DERA: variants seen among roughly 807,000 people sequenced by gnomAD.
DERA encodes the protein deoxyribose-phosphate aldolase.
Under a neutral mutation model 41.1 loss-of-function variants are expected in DERA, and 15 were observed. The observed-to-expected ratio is 0.37, with a 90% CI of 0.24 to 0.56. The LOEUF is 0.56. DERA is among the 20% of genes least tolerant of loss of function. The pLI is 0.81. For synonymous variants in DERA, 139 were observed against 137.4 expected (o/e 1.01, Z -0.08); for missense variants, 396 against 403.4 (o/e 0.98, Z 0.16).
rs949010266 is a variant in DERA at position 15,918,296 on chromosome 12, G to T, written c.31+6882G>T. ...GTGGACCTCTGTGCCCGGCCGCCTC[G>T]CCTCCCTCTGCAGGTGGATACCCTC... is the stretch of plus-strand genomic sequence containing the variant. On this transcript the variant is annotated intron_variant, in intron 1 of 8. Coordinates refer to ENST00000428559, the MANE Select transcript of DERA (RefSeq NM_015954.4). This position sits in a 1 kb window ranked among gnomAD's most constrained non-coding sequence, Gnocchi z 4.3. 1.3e-5 allele frequency among the ~76,000 whole-genome samples: 2 copies of T among 152,030 alleles called. No homozygotes were observed. The highest frequency in any genetic ancestry group is 4.8e-5 in the African/African-American group (2 of 41,394).
At position 15,926,724 on chromosome 12, in the gene DERA, G is replaced by A. The variant is rs544022209; in HGVS notation, c.31+15310G>A. ...GCACTCCCGCCTGGGGCGACAGAGC[G>A]AGACTCCGTCTCAAAAAGAAAAAAA... On this transcript the variant is annotated intron_variant, in intron 1 of 8. Coordinates refer to ENST00000428559, the MANE Select transcript of DERA (RefSeq NM_015954.4). Among the ~76,000 whole-genome samples the A allele has an allele frequency of 9.5e-5, 13 of 136,580 alleles. No homozygotes were observed. The South Asian group carries it at 2.7e-3, about 28-fold the overall frequency. 89.6% of individuals were successfully genotyped at this position (136,580 alleles called of 152,430 possible).
At chr12:15,960,352 T>C (rs757163235) in intron 4 of DERA, among the ~76,000 whole-genome samples, 5 of 150,580 alleles carry the variant, frequency 3.3e-5, no homozygotes, top group Non-Finnish European at 7.4e-5. Context: ...AATAATGATA[T>C]GCGGGCTGGG....
At chr12:15,978,336 A>G (rs1948712351) in intron 5 of DERA, among the ~76,000 whole-genome samples, 1 of 152,152 alleles carries the variant, frequency 6.6e-6, no homozygotes, top group Admixed American at 6.5e-5. Flanking sequence ...TTGTGCTTTC[A>G]TAAGTATTAG....
chr12:16,034,261 A>G (rs1949112385), intron 7 of DERA, among the ~76,000 whole-genome samples: 1 of 152,204 alleles, frequency 6.6e-6, no homozygotes, highest in Admixed American at 6.5e-5. Context: ...GTGCCATGTT[A>G]ACCTGTGTTA....
rs1948545977 is a variant in DERA at position 15,957,057 on chromosome 12, T to A, written c.129+24T>A. 1 of 1,579,872 alleles carries A rather than the reference T, an allele frequency of 6.3e-7. No individual in the cohort carries two copies. The highest frequency in any genetic ancestry group is 1.3e-5 in the African/African-American group (1 of 74,242). ...AGGTAAGGGTTCTTCTTGAGCATTC[T>A]GTGCCTGTATTTTACAATGCATGGT... On this transcript the variant is annotated intron_variant, in intron 2 of 8. Transcript: ENST00000428559. This position sits in a 1 kb window ranked among gnomAD's most constrained non-coding sequence, Gnocchi z 4.8.
chr12:15,994,701 C>T lies in DERA; in HGVS notation c.637+12265C>T, dbSNP rs1199637642. Among the ~76,000 whole-genome samples the T allele has an allele frequency of 3.3e-5, 5 of 152,180 alleles. No individual in the cohort carries two copies. The highest frequency in any genetic ancestry group is 7.4e-5 in the Non-Finnish European group (5 of 68,026). On this transcript the variant is annotated intron_variant, in intron 6 of 8. Coordinates refer to ENST00000428559, the MANE Select transcript of DERA (RefSeq NM_015954.4). This position sits in a 1 kb window ranked among gnomAD's most constrained non-coding sequence, Gnocchi z 4.8. ...ATCTCCTGACCTCGCGATCCACCCA[C>T]CTCGGCCTCCCAAAGTGCTGGGATT...
At chr12:15,934,913 G>T (rs945278464) in intron 1 of DERA, among the ~76,000 whole-genome samples, 2 of 152,110 alleles carry the variant, frequency 1.3e-5, no homozygotes, top group Non-Finnish European at 2.9e-5. Flanking sequence ...AGAGTAAAAA[G>T]TACTACCTTT....
At chr12:16,034,030 C>T (rs1278758032) in intron 7 of DERA, among the ~76,000 whole-genome samples, 1 of 152,166 alleles carries the variant, frequency 6.6e-6, no homozygotes, top group East Asian at 1.9e-4. Context: ...ACTACCACCA[C>T]TCATTTGATT....
At chr12:15,932,345 C>T (rs1265244929) in intron 1 of DERA, among the ~76,000 whole-genome samples, 3 of 151,964 alleles carry the variant, frequency 2.0e-5, no homozygotes, top group African/African-American at 7.3e-5. Flanking sequence ...GATACTTTAC[C>T]TTAAAGTTTC....
At chr12:15,986,792 T>C (rs1322439411) in intron 6 of DERA, among the ~76,000 whole-genome samples, 2 of 152,236 alleles carry the variant, frequency 1.3e-5, no homozygotes, top group Non-Finnish European at 2.9e-5. Context: ...TATTTCTTCC[T>C]ATAAATATGA....
intron 4 of DERA, among the ~76,000 whole-genome samples, chr12:15,960,849 C>T (rs111255700): frequency 0.012 from 1,782 of 152,004 alleles, 46 homozygotes; most frequent in African/African-American, 0.04. Flanking sequence ...GGCACTAGCA[C>T]GTGTGAAGGC....
chr12:15,919,128 A>G (rs530101687), intron 1 of DERA, among the ~76,000 whole-genome samples: 11 of 152,356 alleles, frequency 7.2e-5, no homozygotes, highest in African/African-American at 2.6e-4. Flanking sequence ...GCTTGTAAGC[A>G]TAAATGATGA....
chr12:16,002,592 T>C (rs1253977700), intron 6 of DERA, among the ~76,000 whole-genome samples: 2 of 152,220 alleles, frequency 1.3e-5, no homozygotes, highest in African/African-American at 2.4e-5. Flanking sequence ...TACCATTTTT[T>C]TGTGTATGTG....
chr12:15,982,348 G>C lies in DERA; in HGVS notation c.549G>C (p.Gly183=). ...TTCGTCAGTTTCGCAAGGCCTGTGGGGAGGCTCATCTTAAAACTATATTAG... is the reference window on the plus strand; with the variant it reads ...TTCGTCAGTTTCGCAAGGCCTGTGGCGAGGCTCATCTTAAAACTATATTAG... The part of the protein sequence containing the change: ...DEIRQFRKAC[G]EAHLKTILAT... The change falls in exon 6 of 9, where the codon GGG becomes GGC. Residue 183 remains glycine, a synonymous_variant. Transcript: ENST00000428559. This position sits in a 1 kb window ranked among gnomAD's most constrained non-coding sequence, Gnocchi z 4.0. 5.0e-6 allele frequency: 8 copies of C among 1,613,832 alleles called. No individual in the cohort carries two copies. The highest frequency in any genetic ancestry group is 6.8e-6 in the Non-Finnish European group (8 of 1,179,812).
intron 1 of DERA, among the ~76,000 whole-genome samples, chr12:15,945,428 C>A (rs561596596): frequency 1.1e-4 from 17 of 152,268 alleles, no homozygotes; most frequent in African/African-American, 3.6e-4. Context: ...TGTAGTTCTC[C>A]TTGAAGAGGT....
rs533633817 is a variant in DERA at position 16,031,822 on chromosome 12, G to A, written c.638-720G>A. On this transcript the variant is annotated intron_variant, in intron 6 of 8. Transcript: ENST00000428559. ...CGTATTACTATGATCTCTATTTGTA[G>A]CTCATGCAGGTATTGACTGAATTAA... Among the ~76,000 whole-genome samples the A allele has an allele frequency of 2.0e-5, 3 of 152,220 alleles. No homozygotes were observed. The East Asian group carries it at 5.8e-4, about 29-fold the overall frequency.
rs796374233 is a variant in DERA, at chr12:15,997,992, G to GA, written c.637+15560dup. On this transcript the variant is annotated intron_variant, in intron 6 of 8. Transcript: ENST00000428559. Reference sequence around the variant, plus strand: ...CTCAAACCTCTCATTTTAAAGGTGAGAAAACCAAGATCCAGAAAGGTCAAA... The same window carrying GA: ...CTCAAACCTCTCATTTTAAAGGTGAGAAAAACCAAGATCCAGAAAGGTCAAA... Among the ~76,000 whole-genome samples the GA allele has an allele frequency of 3.3e-4, 51 of 152,274 alleles. 1 individual carries two copies. Among genetic ancestry groups the GA allele is most frequent in the African/African-American group, 1.1e-3 (44 of 41,566 alleles).
At position 16,001,772 on chromosome 12, in the gene DERA, C is replaced by T. The variant is rs967908568; in HGVS notation, c.637+19336C>T. Among the ~76,000 whole-genome samples the T allele has an allele frequency of 6.6e-6, 1 of 152,172 alleles. No individual in the cohort carries two copies. The highest frequency in any genetic ancestry group is 2.4e-5 in the African/African-American group (1 of 41,436). On this transcript the variant is annotated intron_variant, in intron 6 of 8. Coordinates refer to ENST00000428559, the MANE Select transcript of DERA (RefSeq NM_015954.4). The surrounding 1 kb of genome is among the most constrained non-coding windows in gnomAD (Gnocchi z 4.1). ...TAGGAGAACACTAAGACCGAATGCT[C>T]TGTCTCCTGCTTCCCTGAGTCAGAA...
chr12:16,023,428 C>A (rs1393650239), intron 6 of DERA, among the ~76,000 whole-genome samples: 6 of 143,772 alleles, frequency 4.2e-5, no homozygotes, highest in African/African-American at 1.5e-4. Flanking sequence ...TAGCTTTCAA[C>A]AAAAAATACA....
Sources: gnomAD v4.1 joint callset for allele counts (sites outside exome capture counted in the v4.1 genomes callset) on GRCh38, gnomAD v4.1.1 for gene constraint, Gnocchi (gnomAD v3.1) non-coding constraint, MANE v1.5 for transcripts, NCBI Gene and HGNC (gene_info 2026-07-23, HGNC 2026-07-21) for gene names.